IL18: variants seen among roughly 807,000 people sequenced by gnomAD.
IL18 encodes interleukin 18.
IL18 carries 8 observed loss-of-function variants against 14.2 expected under a neutral mutation model. The ratio of observed to expected loss-of-function variants is 0.56; its 90% CI spans 0.33 to 1.01. The LOEUF (loss-of-function observed/expected upper bound fraction) is 1.01, where lower values mean the gene tolerates loss of function less well. Ranked by LOEUF, IL18 falls within the 50% of genes least tolerant of loss-of-function variation. The pLI is 0.03. For synonymous variants in IL18, 67 were observed against 71.0 expected (o/e 0.94, Z 0.28); for missense variants, 166 against 231.1 (o/e 0.72, Z 1.83).
intron 2 of IL18, among the ~76,000 whole-genome samples, chr11:112,154,524 G>C (rs1195873113): frequency 6.7e-6 from 1 of 150,008 alleles, no homozygotes; most frequent in Non-Finnish European, 1.5e-5. Flanking sequence ...AAAAAAAAAA[G>C]AATCAATTTT....
At chr11:112,162,322 T>C (rs1228409242) in intron 1 of IL18, among the ~76,000 whole-genome samples, 1 of 149,980 alleles carries the variant, frequency 6.7e-6, no homozygotes, top group Non-Finnish European at 1.5e-5. Flanking sequence ...AATAGAGCGA[T>C]GTTTTTTTCT....
At chr11:112,153,913 C>T (rs994459409) in intron 2 of IL18, among the ~76,000 whole-genome samples, 3 of 151,872 alleles carry the variant, frequency 2.0e-5, no homozygotes, top group African/African-American at 7.3e-5. Context: ...AAATTTATTG[C>T]TTAAACGGAA....
At chr11:112,157,455 G>C (rs180728608) in intron 1 of IL18, among the ~76,000 whole-genome samples, 19 of 152,342 alleles carry the variant, frequency 1.2e-4, no homozygotes, top group Middle Eastern at 3.4e-3. Flanking sequence ...AATGTGGCCA[G>C]TAGCTGACCA....
intron 1 of IL18, among the ~76,000 whole-genome samples, chr11:112,162,483 A>C (rs950795918): frequency 4.6e-5 from 7 of 151,854 alleles, no homozygotes; most frequent in Non-Finnish European, 5.9e-5. Flanking sequence ...AGTTGGGACT[A>C]CAGGCACATA....
At chr11:112,148,536 A>G (rs1037092169) in intron 5 of IL18, 67 bp downstream of exon 5, 29 of 831,910 alleles carry the variant, frequency 3.5e-5, no homozygotes, top group Non-Finnish European at 4.6e-5. Flanking sequence ...CATTAGAAAT[A>G]ATGTTATATT....
intron 2 of IL18, 44 bp downstream of exon 2, chr11:112,154,931 A>G (rs1181094503): frequency 8.2e-7 from 1 of 1,213,960 alleles, no homozygotes; most frequent in Non-Finnish European, 1.2e-6. Context: ...CTAATTGAAT[A>G]GATTTATCTG....
intron 5 of IL18, among the ~76,000 whole-genome samples, chr11:112,146,407 ACCT>A (rs1192645009): frequency 6.6e-6 from 1 of 151,868 alleles, no homozygotes. Context: ...TGCAGCCTAC[ACCT>A]CCTGGTTTCA....
intron 5 of IL18, among the ~76,000 whole-genome samples, chr11:112,145,813 G>C (rs1032674318): frequency 2.0e-5 from 3 of 152,114 alleles, no homozygotes; most frequent in African/African-American, 7.2e-5. Flanking sequence ...AGGTAGAACA[G>C]GCAATCTCTT....
chr11:112,155,468 T>C (rs777995157), intron 1 of IL18, among the ~76,000 whole-genome samples: 51 of 152,194 alleles, frequency 3.4e-4, no homozygotes, highest in Middle Eastern at 6.8e-3. Flanking sequence ...TGGGTTCCTA[T>C]GGGTGAGAGG....
At chr11:112,151,554 T>G (rs1055880642) in intron 3 of IL18, among the ~76,000 whole-genome samples, 4 of 152,208 alleles carry the variant, frequency 2.6e-5, no homozygotes, top group African/African-American at 9.6e-5. Flanking sequence ...CAACCCAATC[T>G]CACTTTGCAG....
At chr11:112,158,010 C>T (rs1190951551) in intron 1 of IL18, among the ~76,000 whole-genome samples, 1 of 152,200 alleles carries the variant, frequency 6.6e-6, no homozygotes, top group Non-Finnish European at 1.5e-5. Context: ...TCATGCACCA[C>T]CACGCCCGGC....
At chr11:112,154,908 CACA>C in intron 2 of IL18, 64 bp downstream of exon 2, 1 of 1,010,694 alleles carries the variant, frequency 9.9e-7, no homozygotes, top group Non-Finnish European at 1.5e-6. Flanking sequence ...TAGTTCACCT[CACA>C]ACATCTTTTC....
chr11:112,148,678 A>G lies in IL18; in HGVS notation c.285T>C (p.Gly95=). ...ISMYKDSQPR[G]MAVTISVKCE... is the part of the protein sequence containing the mutation. ...ACTTCACAGAGATAGTTACAGCCAT[A>G]CCTCTAGGCTGGCTATCTTTATACA... Residue 95 remains glycine, a synonymous_variant, in exon 5 of 6, where the codon GGT becomes GGC. Transcript: ENST00000280357. The G allele has an allele frequency of 6.6e-7, 1 of 1,504,450 alleles. No homozygotes were observed. The highest frequency in any genetic ancestry group is 9.0e-7 in the Non-Finnish European group (1 of 1,115,024). 93.2% of individuals were successfully genotyped at this position (1,504,450 alleles called of 1,614,324 possible).
At chr11:112,152,022 A>C (rs1297311122) in intron 3 of IL18, among the ~76,000 whole-genome samples, 1 of 152,148 alleles carries the variant, frequency 6.6e-6, no homozygotes, top group Non-Finnish European at 1.5e-5. Flanking sequence ...ATAAGCCTTC[A>C]ATATCTCTAT....
chr11:112,161,403 T>A (rs1409329927), intron 1 of IL18, among the ~76,000 whole-genome samples: 2 of 152,232 alleles, frequency 1.3e-5, no homozygotes, highest in Non-Finnish European at 1.5e-5. Flanking sequence ...CATTGATATG[T>A]GGCAAACGGC....
chr11:112,158,142 C>A (rs992646656), intron 1 of IL18, among the ~76,000 whole-genome samples: 1 of 152,056 alleles, frequency 6.6e-6, no homozygotes, highest in Non-Finnish European at 1.5e-5. Context: ...CCACTGTGCC[C>A]GGCCTAATTT....
At chr11:112,156,202 T>A (rs1866528472) in intron 1 of IL18, among the ~76,000 whole-genome samples, 1 of 152,082 alleles carries the variant, frequency 6.6e-6, no homozygotes, top group South Asian at 2.1e-4. Context: ...TATGGTAGAG[T>A]AAGCAGGAAT....
chr11:112,159,460 A>G (rs12270240), intron 1 of IL18, among the ~76,000 whole-genome samples: 1 of 152,128 alleles, frequency 6.6e-6, no homozygotes, highest in African/African-American at 2.4e-5. Context: ...AATTAAGGTA[A>G]TGAATTCAAG....
chr11:112,159,315 C>T (rs954652742), intron 1 of IL18, among the ~76,000 whole-genome samples: 1 of 152,074 alleles, frequency 6.6e-6, no homozygotes, highest in African/African-American at 2.4e-5. Flanking sequence ...TCAGCCTGGG[C>T]AGCAAAAGCG....
Sources: gnomAD v4.1 joint callset for allele counts (sites outside exome capture counted in the v4.1 genomes callset) on GRCh38, gnomAD v4.1.1 for gene constraint, MANE v1.5 for transcripts, NCBI Gene and HGNC (gene_info 2026-07-23, HGNC 2026-07-21) for gene names.